Variants in ENGASE observed in about 807,000 individuals in gnomAD.
ENGASE encodes cytosolic endo-beta-N-acetylglucosaminidase.
In ENGASE, 69 loss-of-function variants were observed where a neutral mutation model predicts 78.5. The ratio of observed to expected loss-of-function variants is 0.88; its 90% CI spans 0.72 to 1.07. ENGASE has a LOEUF of 1.07. Ranked by LOEUF, ENGASE falls within the 50% of genes least tolerant of loss-of-function variation. ENGASE has a pLI of 0.00. For missense variants in ENGASE, 943 were observed against 988.4 expected (o/e 0.95, Z 0.62); for synonymous variants, 408 against 408.9 (o/e 1.00, Z 0.03).
chr17:79,084,740 G>C, intron 11 of ENGASE, 54 bp downstream of exon 11: 1 of 1,583,078 alleles, frequency 6.3e-7, no homozygotes, highest in Non-Finnish European at 8.6e-7. Flanking sequence ...GCTCAGGGAA[G>C]AGAAGTGTGG....
chr17:79,077,928 A>C, intron 3 of ENGASE, 64 bp downstream of exon 3: 144 of 508,040 alleles, frequency 2.8e-4, no homozygotes, highest in Non-Finnish European at 4.4e-4. Flanking sequence ...TGGGGGCTGG[A>C]GGGGCGGGAG....
In ENGASE at chr17:79,088,210, T is replaced by TA. The variant is rs1335269216; in HGVS notation, c.*1861_*1862insA. On this transcript the variant is annotated 3_prime_UTR_variant, in exon 14 of 14. Transcript: ENST00000579016. The stretch of plus-strand genomic sequence containing the variant: ...CCATTCCCGGGAGCTCTTTGAGCCT[T>TA]TCTGTCTCATTTGGAACCAGGGGGA... The TA allele has an allele frequency of 2.0e-5, 3 of 152,166 alleles. No individual in the cohort carries two copies. The highest frequency in any genetic ancestry group is 4.8e-5 in the African/African-American group (2 of 41,416). 9.4% of individuals were successfully genotyped at this position (152,166 alleles called of 1,614,324 possible).
rs371519373 is a variant in ENGASE at position 79,083,570 on chromosome 17, C to T, written c.1231C>T (p.Arg411Trp). 43 of 1,613,938 alleles carry T rather than the reference C, an allele frequency of 2.7e-5. No individual in the cohort carries two copies. The highest frequency in any genetic ancestry group is 8.9e-5 in the East Asian group (4 of 44,890). ...VTSFCLGMGA[R>W]RVCYGQEEAV... ...GTCCTTCTGCCTGGGCATGGGTGCA[C>T]GGAGGGTCTGCTATGGCCAGGTGGG... Residue 411 changes from arginine (R) to tryptophan (W), a missense_variant, in exon 9 of 14, where the codon CGG becomes TGG. Coordinates refer to ENST00000579016, the MANE Select transcript of ENGASE (RefSeq NM_001042573.3). This position sits in a 1 kb window ranked among gnomAD's most constrained non-coding sequence, Gnocchi z 4.9.
In ENGASE at chr17:79,086,040, T is replaced by G; in HGVS notation, c.1923T>G (p.Ala641=). The G allele has an allele frequency of 1.2e-6, 2 of 1,613,248 alleles. No individual in the cohort carries two copies. The highest frequency in any genetic ancestry group is 1.7e-6 in the Non-Finnish European group (2 of 1,180,042). ...PSASEREGPP[A]LLQLSCTLHW... is the part of the protein sequence containing the mutation. ...CCTCTGAGCGGGAGGGGCCCCCTGC[T>G]CTGCTCCAGCTCAGCTGCACCCTGC... The change falls in exon 14 of 14, where the codon GCT becomes GCG. Residue 641 remains alanine (A), a synonymous_variant. Transcript: ENST00000579016.
At chr17:79,085,500 C>G in intron 12 of ENGASE, 120 bp from the exon 13 acceptor site, 1 of 1,448,204 alleles carries the variant, frequency 6.9e-7, no homozygotes, top group East Asian at 2.5e-5. Context: ...TGCTGTCGGC[C>G]TGGGGTCCCC....
chr17:79,082,810 A>T (rs1599343908), intron 7 of ENGASE: 4 of 1,500,614 alleles, frequency 2.7e-6, no homozygotes, highest in Non-Finnish European at 3.6e-6. Flanking sequence ...AGCAGCGCTG[A>T]CCGCCTCTCC....
chr17:79,085,749 A>G lies in ENGASE; in HGVS notation c.1815+15A>G, dbSNP rs2073278845. On this transcript the variant is annotated intron_variant, in intron 13 of 13. Coordinates refer to ENST00000579016, the MANE Select transcript of ENGASE (RefSeq NM_001042573.3). ...GAGAGATCCAGGTGATGCTTCCCAG[A>G]GGGGCTCGGGCTGGGCTGGCTGTTT... 6.2e-7 allele frequency: 1 copy of G among 1,612,024 alleles called. No individual in the cohort carries two copies. The highest frequency in any genetic ancestry group is 8.5e-7 in the Non-Finnish European group (1 of 1,179,424).
chr17:79,080,904 C>T (rs776554760), intron 5 of ENGASE, 21 bp from the exon 6 acceptor site: 1 of 1,602,878 alleles, frequency 6.2e-7, no homozygotes, highest in Non-Finnish European at 8.5e-7. Flanking sequence ...CTGAGGCTCT[C>T]ACCTTGTTCT....
Position 79,077,752 on chromosome 17 carries a change from G to A in ENGASE, c.304G>A (p.Asp102Asn). 1 of 1,614,202 alleles carries A rather than the reference G, an allele frequency of 6.2e-7. No homozygotes were observed. Among genetic ancestry groups the A allele is most frequent in the Non-Finnish European group, 8.5e-7 (1 of 1,180,052 alleles). ...ELLAWKPRLE[D>N]GFNVALEPLA... Reference sequence around the variant, plus strand: ...CTTGGCGTGGAAGCCCCGCTTGGAGGATGGCTTTAATGTGGCCCTGGAGCC... The same window carrying A: ...CTTGGCGTGGAAGCCCCGCTTGGAGAATGGCTTTAATGTGGCCCTGGAGCC... The change falls in exon 3 of 14, where the codon GAT becomes AAT. Residue 102 changes from aspartate to asparagine, a missense_variant. Asp to Asn is a conservative substitution (Grantham distance 23). Coordinates refer to ENST00000579016, the MANE Select transcript of ENGASE (RefSeq NM_001042573.3).
rs1040784165 is a variant in ENGASE at position 79,086,567 on chromosome 17, G to A, written c.*218G>A. ...GTGGGATCGCAGCGTTGGTCACTGC[G>A]AGGCGAGTGGCGGGCTTTCTGTTTC... On this transcript the variant is annotated 3_prime_UTR_variant, in exon 14 of 14. Coordinates refer to ENST00000579016, the MANE Select transcript of ENGASE (RefSeq NM_001042573.3). The A allele has an allele frequency of 6.6e-6, 4 of 603,218 alleles. No homozygotes were observed. The highest frequency in any genetic ancestry group is 5.6e-5 in the African/African-American group (3 of 53,946). 37.4% of individuals were successfully genotyped at this position (603,218 alleles called of 1,614,324 possible). A position where few individuals can be genotyped will look rare whatever the true frequency, so the allele number is the denominator to read the frequency against.
chr17:79,083,433 G>A lies in ENGASE; in HGVS notation c.1143-49G>A, dbSNP rs1201888781. ...CAGCAAGTTTGAGGGACACTGAGAG[G>A]CTCCCTCCCTTCCTCCGGACCGAGC... On this transcript the variant is annotated intron_variant, in intron 8 of 13. Coordinates refer to ENST00000579016, the MANE Select transcript of ENGASE (RefSeq NM_001042573.3). The surrounding 1 kb of genome is among the most constrained non-coding windows in gnomAD (Gnocchi z 4.9). 2.8e-6 allele frequency: 4 copies of A among 1,437,784 alleles called. No homozygotes were observed. In the African/African-American group the frequency reaches 5.7e-5, roughly 20 times the overall value. 89.1% of individuals were successfully genotyped at this position (1,437,784 alleles called of 1,614,324 possible). A position where few individuals can be genotyped will look rare whatever the true frequency, so the allele number is the denominator to read the frequency against.
At position 79,086,553 on chromosome 17, in the gene ENGASE, G is replaced by A; in HGVS notation, c.*204G>A. 1.6e-6 allele frequency: 1 copy of A among 632,212 alleles called. No individual in the cohort carries two copies. Among genetic ancestry groups the A allele is most frequent in the Non-Finnish European group, 2.7e-6 (1 of 369,880 alleles). The allele number at this position is 632,212 out of a possible 1,614,324, so 39.2% of individuals were successfully genotyped here. A position where few individuals can be genotyped will look rare whatever the true frequency, so the allele number is the denominator to read the frequency against. ...CAGGAAACCAAGCAGTGGGATCGCA[G>A]CGTTGGTCACTGCGAGGCGAGTGGC... On this transcript the variant is annotated 3_prime_UTR_variant, in exon 14 of 14. Transcript: ENST00000579016.
At chr17:79,077,936 G>GGGGC in intron 3 of ENGASE, 72 bp downstream of exon 3, 20 of 721,508 alleles carry the variant, frequency 2.8e-5, no homozygotes, top group East Asian at 8.2e-5. Flanking sequence ...GGAGGGGCGG[G>GGGGC]AGAGAGTGCC....
In ENGASE at chr17:79,077,660, C is replaced by T. The variant is rs200105738; in HGVS notation, c.215-3C>T. 1.0e-4 allele frequency: 166 copies of T among 1,613,882 alleles called. No individual in the cohort carries two copies. Among genetic ancestry groups the T allele is most frequent in the Non-Finnish European group, 1.2e-4 (146 of 1,179,946 alleles). ...TTGCTCAATGTTTCTGTCCTCGGAC[C>T]AGTTAGATATTATGACAAGGACACC... On this transcript the variant is annotated splice_region_variant and splice_polypyrimidine_tract_variant and intron_variant, in intron 2 of 13. Transcript: ENST00000579016.
rs956917700 is a variant in ENGASE, at chr17:79,083,671, C to T, written c.1251+81C>T. 1.3e-6 allele frequency: 2 copies of T among 1,564,356 alleles called. No homozygotes were observed. Among genetic ancestry groups the T allele is most frequent in the Non-Finnish European group, 1.8e-6 (2 of 1,142,442 alleles). ...GAGGAGCCTGGGACTTGCCAGCAGG[C>T]ACGGTGGTGGTCTTACCCTTCCCTG... is the stretch of plus-strand genomic sequence containing the variant. On this transcript the variant is annotated intron_variant, in intron 9 of 13. Coordinates refer to ENST00000579016, the MANE Select transcript of ENGASE (RefSeq NM_001042573.3). The surrounding 1 kb of genome is among the most constrained non-coding windows in gnomAD (Gnocchi z 4.9).
rs747988180 is a variant in ENGASE at position 79,074,969 on chromosome 17, A to T, written c.25A>T (p.Thr9Ser). 8.0e-7 allele frequency: 1 copy of T among 1,247,496 alleles called. No individual in the cohort carries two copies. Among genetic ancestry groups the T allele is most frequent in the Admixed American group, 3.7e-5 (1 of 26,694 alleles). 77.3% of individuals were successfully genotyped at this position (1,247,496 alleles called of 1,614,324 possible). ...CATGGAGGCCGCGGCGGTGACGGTC[A>T]CCCGGTCGGCTACACGGCGGCGGCG... MEAAAVTV[T>S]RSATRRRRRQ... The change falls in exon 1 of 14, where the codon ACC (threonine) becomes TCC (serine). Residue 9 changes from threonine (T) to serine (S), a missense_variant. Transcript: ENST00000579016.
chr17:79,085,326 G>C lies in ENGASE; in HGVS notation c.1684G>C (p.Gly562Arg), dbSNP rs114968464. The change falls in exon 12 of 14, where the codon GGG (glycine) becomes CGG (arginine). Residue 562 changes from glycine (G) to arginine (R), a missense_variant. By Grantham distance (125) the Gly-to-Arg change is moderately radical. Transcript: ENST00000579016. Reference protein sequence around the residue: ...WVGRCGRQLSGGWVQHCYEVS... With the variant: ...WVGRCGRQLSRGWVQHCYEVS... ...GGGCCGCTGCGGCCGGCAGCTGAGT[G>C]GGGGCTGGGTCCAGCAGTAAGTCCC... 2,022 of 1,611,802 alleles carry C rather than the reference G, an allele frequency of 1.3e-3. 23 individuals are homozygous for C. The African/African-American group carries it at 0.024, about 19-fold the overall frequency.
intron 1 of ENGASE, among the ~76,000 whole-genome samples, chr17:79,076,337 G>A (rs1174073030): frequency 1.3e-5 from 2 of 152,078 alleles, no homozygotes; most frequent in South Asian, 2.1e-4. Flanking sequence ...AGGCTGAGGC[G>A]TGTGATCACC....
At position 79,082,009 on chromosome 17, in the gene ENGASE, C is replaced by T. The variant is rs372228025; in HGVS notation, c.984C>T (p.Gly328=). The T allele has an allele frequency of 1.6e-5, 26 of 1,614,072 alleles. No homozygotes were observed. The African/African-American group carries it at 2.8e-4, about 17-fold the overall frequency. Residue 328 remains glycine (G), a synonymous_variant, in exon 7 of 14, where the codon GGC becomes GGT. Transcript: ENST00000579016. ...AGCGCCGGGCTGATGTGTACGTGGGCGTGGATGTGTTTGCTCGAGGGAACG... is the reference window on the plus strand; with the variant it reads ...AGCGCCGGGCTGATGTGTACGTGGGTGTGGATGTGTTTGCTCGAGGGAACG... ...AGERRADVYV[G]VDVFARGNVV... is the part of the protein sequence containing the mutation.
Sources: gnomAD v4.1 joint callset for allele counts (sites outside exome capture counted in the v4.1 genomes callset) on GRCh38, gnomAD v4.1.1 for gene constraint, Gnocchi (gnomAD v3.1) non-coding constraint, MANE v1.5 for transcripts, NCBI Gene and HGNC (gene_info 2026-07-23, HGNC 2026-07-21) for gene names.